ACE: variants seen among roughly 807,000 people sequenced by gnomAD.
ACE encodes the protein angiotensin I converting enzyme, also known as angiotensin-converting enzyme.
Under a neutral mutation model 162.3 loss-of-function variants are expected in ACE, and 122 were observed. The observed-to-expected ratio is 0.75, with a 90% CI of 0.65 to 0.87. The LOEUF (loss-of-function observed/expected upper bound fraction) is 0.87, where lower values mean the gene tolerates loss of function less well. Among genes scored for constraint, ACE ranks in the 40% least tolerant of loss-of-function variants. The probability of loss-of-function intolerance (pLI) is 0.00; values close to 1 mark genes in which losing one functional copy is unlikely to be tolerated. For missense variants in ACE, 1,799 were observed against 1,735.1 expected (o/e 1.04, Z -0.65); for synonymous variants, 796 against 720.6 (o/e 1.10, Z -1.68).
intron 19 of ACE, 68 bp from the exon 20 acceptor site, chr17:63,493,368 G>C (rs1415853980): frequency 1.4e-5 from 21 of 1,478,750 alleles, no homozygotes; most frequent in Non-Finnish European, 1.9e-5. Flanking sequence ...AAGGCCCACT[G>C]TTCCCTTATG....
chr17:63,494,374 T>C lies in ACE; in HGVS notation c.3284T>C (p.Leu1095Pro). ...CAACATATATTCCCACTCGACAGGCTGAAGTACCAGGGCCTCTGCCCCCCA... is the reference window on the plus strand; with the variant it reads ...CAACATATATTCCCACTCGACAGGCCGAAGTACCAGGGCCTCTGCCCCCCA... ...NYNQEWWSLR[L>P]KYQGLCPPVP... The change falls in exon 22 of 25, where the codon CTG becomes CCG. Residue 1095 changes from leucine (L) to proline (P), a missense_variant and splice_region_variant. By Grantham distance (98) the Leu-to-Pro change is moderately conservative. Coordinates refer to ENST00000290866, the MANE Select transcript of ACE (RefSeq NM_000789.4). 6.2e-7 allele frequency: 1 copy of C among 1,613,910 alleles called. No individual in the cohort carries two copies. The highest frequency in any genetic ancestry group is 8.5e-7 in the Non-Finnish European group (1 of 1,179,840).
In ACE at chr17:63,487,108, G is replaced by C. The variant is rs755738720; in HGVS notation, c.2305+35G>C. ...CATGTGCAGGCTGAGTGAGAGGCGA[G>C]GGCTGGGACTGGCATGGGGCCCGGG... is the stretch of plus-strand genomic sequence containing the variant. On this transcript the variant is annotated intron_variant, in intron 15 of 24. Transcript: ENST00000290866. 5 of 1,592,504 alleles carry C rather than the reference G, an allele frequency of 3.1e-6. No homozygotes were observed. In the South Asian group the frequency reaches 5.5e-5, roughly 18 times the overall value.
At chr17:63,485,043 A>C in intron 12 of ACE, 193 bp from the exon 13 acceptor site, 2 of 1,607,852 alleles carry the variant, frequency 1.2e-6, no homozygotes, top group Non-Finnish European at 1.7e-6. Context: ...GCGACGGCCC[A>C]CCAGACATCA....
rs1430977899 is a variant in ACE at position 63,484,445 on chromosome 17, T to A, written c.1825T>A (p.Trp609Arg). 2 of 1,612,378 alleles carry A rather than the reference T, an allele frequency of 1.2e-6. No homozygotes were observed. Among genetic ancestry groups the A allele is most frequent in the Non-Finnish European group, 1.7e-6 (2 of 1,179,916 alleles). Residue 609 changes from tryptophan (W) to arginine (R), a missense_variant, in exon 12 of 25, where the codon TGG becomes AGG. Coordinates refer to ENST00000290866, the MANE Select transcript of ACE (RefSeq NM_000789.4). The surrounding 1 kb of genome is among the most constrained non-coding windows in gnomAD (Gnocchi z 4.0). The part of the protein sequence containing the change: ...LLKYFQPVTQ[W>R]LQEQNQQNGE... ...CAAGTACTTCCAGCCAGTCACCCAG[T>A]GGCTGCAGGAGCAGAACCAGCAGAA...
Position 63,482,986 on chromosome 17 carries a change from C to T in ACE, c.1343-43C>T, listed in dbSNP as rs372137279. The stretch of plus-strand genomic sequence containing the variant: ...CCACACTCTTAGGGGACCCTCTTCT[C>T]CCTCTGACCTCTTCCCTCTCCTTTC... On this transcript the variant is annotated intron_variant, in intron 8 of 24. Coordinates refer to ENST00000290866, the MANE Select transcript of ACE (RefSeq NM_000789.4). The T allele has an allele frequency of 5.6e-6, 9 of 1,601,548 alleles. No individual in the cohort carries two copies. The East Asian group carries it at 1.1e-4, about 20-fold the overall frequency.
chr17:63,493,704 G>A, intron 20 of ACE, 45 bp downstream of exon 20: 1 of 1,602,604 alleles, frequency 6.2e-7, no homozygotes, highest in South Asian at 1.1e-5. Context: ...GACCAAGAAA[G>A]GGTGGTGAGC....
intron 19 of ACE, among the ~76,000 whole-genome samples, chr17:63,492,257 T>C (rs2030433175): frequency 6.6e-6 from 1 of 152,238 alleles, no homozygotes; most frequent in Non-Finnish European, 1.5e-5. Flanking sequence ...TTCTCAAGGC[T>C]AGGTCCAAAA....
rs1393713094 is a variant in ACE, at chr17:63,485,269, T to A, written c.1955T>A (p.Phe652Tyr). Reference sequence around the variant, plus strand: ...ACTGATGAGGCTGAGGCCAGCAAGTTTGTGGAGGAATATGACCGGACATCC... The same window carrying A: ...ACTGATGAGGCTGAGGCCAGCAAGTATGTGGAGGAATATGACCGGACATCC... The part of the protein sequence containing the change: ...LVTDEAEASK[F>Y]VEEYDRTSQV... The change falls in exon 13 of 25, where the codon TTT (phenylalanine) becomes TAT (tyrosine). Residue 652 changes from phenylalanine to tyrosine, a missense_variant. By Grantham distance (22) the Phe-to-Tyr change is conservative. Coordinates refer to ENST00000290866, the MANE Select transcript of ACE (RefSeq NM_000789.4). The A allele has an allele frequency of 6.2e-7, 1 of 1,613,500 alleles. No individual in the cohort carries two copies. Among genetic ancestry groups the A allele is most frequent in the Non-Finnish European group, 8.5e-7 (1 of 1,179,914 alleles).
In ACE at chr17:63,483,558, G is replaced by T; in HGVS notation, c.1586G>T (p.Arg529Met). ...GTTCCAAATGTGACACCATACATCAGGTATTAGCGCCCCCACCCCACCCAC... is the reference window on the plus strand; with the variant it reads ...GTTCCAAATGTGACACCATACATCATGTATTAGCGCCCCCACCCCACCCAC... ...FHVPNVTPYIRYFVSFVLQFQ... is the reference protein window; with the variant it reads ...FHVPNVTPYIMYFVSFVLQFQ... Residue 529 changes from arginine (R) to methionine (M), a missense_variant and splice_region_variant, in exon 10 of 25, where the codon AGG (arginine) becomes ATG (methionine). By Grantham distance (91) the Arg-to-Met change is moderately conservative. Transcript: ENST00000290866. 1 of 1,612,622 alleles carries T rather than the reference G, an allele frequency of 6.2e-7. No individual in the cohort carries two copies. Among genetic ancestry groups the T allele is most frequent in the Non-Finnish European group, 8.5e-7 (1 of 1,179,080 alleles).
chr17:63,491,186 G>T lies in ACE; in HGVS notation c.2740-23G>T. 6.2e-7 allele frequency: 1 copy of T among 1,613,594 alleles called. No individual in the cohort carries two copies. Among genetic ancestry groups the T allele is most frequent in the South Asian group, 1.1e-5 (1 of 91,050 alleles). On this transcript the variant is annotated intron_variant, in intron 18 of 24. Coordinates refer to ENST00000290866, the MANE Select transcript of ACE (RefSeq NM_000789.4). The surrounding 1 kb of genome is among the most constrained non-coding windows in gnomAD (Gnocchi z 4.4). ...GTCTGTCCCCGGAACCCCCAGTTTGGGCAGAACTCCCTCTGCTTGCAGGGC... is the reference window on the plus strand; with the variant it reads ...GTCTGTCCCCGGAACCCCCAGTTTGTGCAGAACTCCCTCTGCTTGCAGGGC...
chr17:63,479,214 G>T (rs1259770521), intron 3 of ACE, 114 bp downstream of exon 3: 1 of 884,076 alleles, frequency 1.1e-6, no homozygotes, highest in African/African-American at 1.7e-5. Flanking sequence ...TAAACCCAAA[G>T]GTGTTGCCCT....
chr17:63,486,401 G>T lies in ACE; in HGVS notation c.2059-156G>T, dbSNP rs138131705. 4 of 790,334 alleles carry T rather than the reference G, an allele frequency of 5.1e-6. No homozygotes were observed. In the East Asian group the frequency reaches 8.0e-5, roughly 16 times the overall value. The allele number at this position is 790,334 out of a possible 1,614,324, so 49.0% of individuals were successfully genotyped here. On this transcript the variant is annotated intron_variant, in intron 13 of 24. Transcript: ENST00000290866. ...GTACTGCATCCAGGACGTTATCAGC[G>T]TCCAGCTTGCAGAGAGTCTTATAGG...
At chr17:63,480,100 A>G (rs1317242484) in intron 4 of ACE, among the ~76,000 whole-genome samples, 188 bp downstream of exon 4, 1 of 152,130 alleles carries the variant, frequency 6.6e-6, no homozygotes, top group Non-Finnish European at 1.5e-5. Context: ...GGCCTGCCCC[A>G]CGTGGCCATC....
chr17:63,483,572 C>A lies in ACE; in HGVS notation c.1586+14C>A. 1.1e-6 allele frequency: 1 copy of A among 919,978 alleles called. No individual in the cohort carries two copies. Among genetic ancestry groups the A allele is most frequent in the Non-Finnish European group, 1.6e-6 (1 of 613,770 alleles). 57.0% of individuals were successfully genotyped at this position (919,978 alleles called of 1,614,324 possible). A position where few individuals can be genotyped will look rare whatever the true frequency, so the allele number is the denominator to read the frequency against. On this transcript the variant is annotated intron_variant, in intron 10 of 24. Transcript: ENST00000290866. Reference sequence around the variant, plus strand: ...ACCATACATCAGGTATTAGCGCCCCCACCCCACCCACCCCCAGTACTGTCA... The same window carrying A: ...ACCATACATCAGGTATTAGCGCCCCAACCCCACCCACCCCCAGTACTGTCA...
At chr17:63,481,281 G>A (rs1327350056) in intron 6 of ACE, 93 bp downstream of exon 6, 8 of 1,227,694 alleles carry the variant, frequency 6.5e-6, no homozygotes, top group East Asian at 2.4e-5. Flanking sequence ...GGAAGGTTTC[G>A]GGTACTGAGC....
Position 63,493,541 on chromosome 17 carries a change from G to A in ACE, c.3018G>A (p.Leu1006=). 2 of 1,614,138 alleles carry A rather than the reference G, an allele frequency of 1.2e-6. No individual in the cohort carries two copies. Among genetic ancestry groups the A allele is most frequent in the Non-Finnish European group, 1.7e-6 (2 of 1,180,054 alleles). Reference sequence around the variant, plus strand: ...AGTACAAAGACTTACCTGTGGCCTTGAGGGAGGGTGCCAACCCCGGCTTCC... The same window carrying A: ...AGTACAAAGACTTACCTGTGGCCTTAAGGGAGGGTGCCAACCCCGGCTTCC... The part of the protein sequence containing the change: ...FMQYKDLPVA[L]REGANPGFHE... Residue 1006 remains leucine, a synonymous_variant, in exon 20 of 25, where the codon TTG becomes TTA. Coordinates refer to ENST00000290866, the MANE Select transcript of ACE (RefSeq NM_000789.4).
At chr17:63,480,159 C>T (rs2049682636) in intron 4 of ACE, among the ~76,000 whole-genome samples, 178 bp from the exon 5 acceptor site, 1 of 152,226 alleles carries the variant, frequency 6.6e-6, no homozygotes, top group South Asian at 2.1e-4. Context: ...TGGGAACCTC[C>T]AGGATCTGTT....
In ACE at chr17:63,498,171, G is replaced by C. The variant is rs1248201133; in HGVS notation, c.*805G>C. The C allele has an allele frequency of 6.5e-6, 1 of 152,684 alleles. No homozygotes were observed. Among genetic ancestry groups the C allele is most frequent in the Non-Finnish European group, 1.5e-5 (1 of 68,394 alleles). 9.5% of individuals were successfully genotyped at this position (152,684 alleles called of 1,614,324 possible). The stretch of plus-strand genomic sequence containing the variant: ...GTGCAGAGGGGCCTCAGACGCTGGA[G>C]TGTAGCAGTGGCTGCACCTGCACAG... On this transcript the variant is annotated 3_prime_UTR_variant, in exon 25 of 25. Transcript: ENST00000290866.
At chr17:63,490,109 TTCTC>T (rs1356925568) in intron 17 of ACE, 1 of 152,618 alleles carries the variant, frequency 6.6e-6, no homozygotes, top group African/African-American at 2.4e-5. Context: ...TCTCTCCCTC[TTCTC>T]TCTCATGTTC....
Sources: gnomAD v4.1 joint callset for allele counts (sites outside exome capture counted in the v4.1 genomes callset) on GRCh38, gnomAD v4.1.1 for gene constraint, Gnocchi (gnomAD v3.1) non-coding constraint, MANE v1.5 for transcripts, NCBI Gene and HGNC (gene_info 2026-07-23, HGNC 2026-07-21) for gene names.